Variants in DLG2 observed in about 807,000 individuals in gnomAD.
DLG2 encodes discs large MAGUK scaffold protein 2.
DLG2 carries 45 observed loss-of-function variants against 132.5 expected under a neutral mutation model. The observed-to-expected ratio is 0.34, with a 90% CI of 0.27 to 0.44. The LOEUF is 0.44. Ranked by LOEUF, DLG2 falls within the 20% of genes least tolerant of loss-of-function variation. DLG2 has a pLI of 1.00. For synonymous variants in DLG2, 424 were observed against 419.6 expected (o/e 1.01, Z -0.13); for missense variants, 1,045 against 1,196.9 (o/e 0.87, Z 1.87).
chr11:83,775,949 A>G lies in DLG2; in HGVS notation c.1825+10741T>C, dbSNP rs535461482. 4.6e-5 allele frequency among the ~76,000 whole-genome samples: 7 copies of G among 152,148 alleles called. No individual in the cohort carries two copies. In the East Asian group the frequency reaches 1.2e-3, roughly 25 times the overall value. ...CTACTAAAAATACAAAAAATTAGCCAGGTGTGGTGGCAGGAGCCTGTAGTC... is the reference window on the plus strand; with the variant it reads ...CTACTAAAAATACAAAAAATTAGCCGGGTGTGGTGGCAGGAGCCTGTAGTC... On this transcript the variant is annotated intron_variant, in intron 18 of 27. Coordinates refer to ENST00000376104, the MANE Select transcript of DLG2 (RefSeq NM_001142699.3).
intron 11 of DLG2, among the ~76,000 whole-genome samples, chr11:83,990,668 C>A (rs1014900628): frequency 7.9e-5 from 12 of 152,086 alleles, no homozygotes; most frequent in Non-Finnish European, 1.5e-5. Flanking sequence ...GAGAACTAAG[C>A]CCCATGATGT....
At chr11:84,456,177 A>C (rs1200235682) in intron 7 of DLG2, among the ~76,000 whole-genome samples, 1 of 151,248 alleles carries the variant, frequency 6.6e-6, no homozygotes, top group Non-Finnish European at 1.5e-5. Flanking sequence ...GCATGGACCA[A>C]ATTTTTAATA....
At chr11:84,524,913 C>G (rs1307321897) in intron 7 of DLG2, among the ~76,000 whole-genome samples, 1 of 150,848 alleles carries the variant, frequency 6.6e-6, no homozygotes, top group South Asian at 2.1e-4. Flanking sequence ...TTGGTCAACA[C>G]CATCTTAGGC....
chr11:83,513,299 T>C (rs2095135010), intron 21 of DLG2, among the ~76,000 whole-genome samples: 1 of 152,240 alleles, frequency 6.6e-6, no homozygotes, highest in African/African-American at 2.4e-5. Context: ...CATTTTTTCA[T>C]GTGTCTGTTG....
intron 3 of DLG2, among the ~76,000 whole-genome samples, chr11:85,541,106 C>A (rs1308373789): frequency 6.6e-6 from 1 of 152,126 alleles, no homozygotes. Context: ...TTTCCAGGTC[C>A]ATAAGGCGGT....
At chr11:84,917,921 A>G (rs2092566155) in intron 6 of DLG2, among the ~76,000 whole-genome samples, 2 of 152,306 alleles carry the variant, frequency 1.3e-5, no homozygotes, top group Admixed American at 6.5e-5. Flanking sequence ...CTGGAACCCT[A>G]AGAGGTACCA....
chr11:85,186,581 C>T (rs528582717), intron 4 of DLG2, among the ~76,000 whole-genome samples: 2 of 152,152 alleles, frequency 1.3e-5, no homozygotes, highest in Admixed American at 6.6e-5. Context: ...CTTTATGGAA[C>T]TTTTAACAGT....
At chr11:84,548,867 G>C (rs762472280) in intron 6 of DLG2, among the ~76,000 whole-genome samples, 1 of 152,166 alleles carries the variant, frequency 6.6e-6, no homozygotes, top group Non-Finnish European at 1.5e-5. Context: ...GCAAGGCAGG[G>C]AAGAGGTCTG....
chr11:84,163,803 A>G (rs570296669), intron 8 of DLG2, among the ~76,000 whole-genome samples: 34 of 152,328 alleles, frequency 2.2e-4, no homozygotes, highest in African/African-American at 7.7e-4. Context: ...TGAGCTTACA[A>G]AGAACAAATC....
intron 7 of DLG2, among the ~76,000 whole-genome samples, chr11:84,300,290 T>A (rs143133053): frequency 2.4e-4 from 37 of 152,308 alleles, no homozygotes; most frequent in African/African-American, 8.7e-4. Context: ...GCCTGTCTAC[T>A]TCTGTCTGTT....
At chr11:85,105,202 T>C (rs188460315) in intron 6 of DLG2, among the ~76,000 whole-genome samples, 2 of 151,934 alleles carry the variant, frequency 1.3e-5, no homozygotes, top group Non-Finnish European at 2.9e-5. Context: ...GTGTGCACAC[T>C]GGGAATGCCC....
chr11:83,728,876 A>G (rs2090496506), intron 18 of DLG2, among the ~76,000 whole-genome samples: 1 of 152,170 alleles, frequency 6.6e-6, no homozygotes, highest in African/African-American at 2.4e-5. Flanking sequence ...TGTTTGCAAA[A>G]CCGTGATACA....
intron 3 of DLG2, among the ~76,000 whole-genome samples, chr11:85,291,364 T>C (rs1595983887): frequency 6.6e-6 from 1 of 152,196 alleles, no homozygotes; most frequent in Admixed American, 6.5e-5. Context: ...TAAAAGTGAC[T>C]GGGGAATGTC....
intron 9 of DLG2, among the ~76,000 whole-genome samples, chr11:84,156,660 A>T (rs753916392): frequency 6.6e-6 from 1 of 152,220 alleles, no homozygotes; most frequent in African/African-American, 2.4e-5. Context: ...TAAATTACTG[A>T]CTTTTGTTAG....
In DLG2 at chr11:84,929,626, A is replaced by G. The variant is rs1192435381; in HGVS notation, c.357+182035T>C. On this transcript the variant is annotated intron_variant, in intron 6 of 27. Coordinates refer to ENST00000376104, the MANE Select transcript of DLG2 (RefSeq NM_001142699.3). The stretch of plus-strand genomic sequence containing the variant: ...AACTTTTGGTAAAGTTCTGAGTAAA[A>G]CAAAGAACATTCTTCCCTTATATCA... Among the ~76,000 whole-genome samples, 5 of 152,144 alleles carry G rather than the reference A, an allele frequency of 3.3e-5. No homozygotes were observed. The East Asian group carries it at 7.7e-4, about 23-fold the overall frequency.
chr11:84,253,976 G>C (rs2097425886), intron 7 of DLG2, among the ~76,000 whole-genome samples: 1 of 152,038 alleles, frequency 6.6e-6, no homozygotes, highest in South Asian at 2.1e-4. Flanking sequence ...AGATGCCTAA[G>C]GATATTGCAG....
intron 6 of DLG2, among the ~76,000 whole-genome samples, chr11:84,761,918 T>C (rs1272760563): frequency 6.6e-6 from 1 of 152,170 alleles, no homozygotes; most frequent in Non-Finnish European, 1.5e-5. Flanking sequence ...GATGGTCACT[T>C]AAATAAAATT....
chr11:83,835,091 G>T (rs1443643804), intron 16 of DLG2, among the ~76,000 whole-genome samples: 1 of 152,156 alleles, frequency 6.6e-6, no homozygotes, highest in Non-Finnish European at 1.5e-5. Flanking sequence ...AACTTGAACT[G>T]TAAGTAATAA....
intron 18 of DLG2, among the ~76,000 whole-genome samples, chr11:83,756,831 A>G (rs935114882): frequency 1.4e-5 from 2 of 146,364 alleles, no homozygotes; most frequent in Admixed American, 1.3e-4. Context: ...AACATAAAAT[A>G]CAACATTTGT....
Sources: gnomAD v4.1 joint callset for allele counts (sites outside exome capture counted in the v4.1 genomes callset) on GRCh38, gnomAD v4.1.1 for gene constraint, MANE v1.5 for transcripts, NCBI Gene and HGNC (gene_info 2026-07-23, HGNC 2026-07-21) for gene names.